The following FHIT variants were observed in gnomAD, a reference collection of about 807,000 sequenced individuals.
FHIT encodes bis(5'-adenosyl)-triphosphatase.
A neutral mutation model predicts 17.9 loss-of-function variants in FHIT; 19 were observed. The observed-to-expected ratio is 1.06, with a 90% CI of 0.74 to 1.56. The LOEUF (loss-of-function observed/expected upper bound fraction) is 1.56, where lower values mean the gene tolerates loss of function less well. FHIT is among the 40% of genes most tolerant of loss of function. FHIT has a pLI of 0.00. For synonymous variants in FHIT, 81 were observed against 69.7 expected, an observed-to-expected ratio of 1.16 and a Z score of -0.81; for missense variants, 248 against 189.2, an observed-to-expected ratio of 1.31 and a Z score of -1.82.
intron 1 of FHIT, among the ~76,000 whole-genome samples, chr3:61,234,090 A>C (rs1219920354): frequency 6.6e-6 from 1 of 152,202 alleles, no homozygotes; most frequent in African/African-American, 2.4e-5. Context: ...GCAGAAACTG[A>C]AGACTGATGT....
At chr3:60,155,446 TG>T (rs1179568496) in intron 5 of FHIT, among the ~76,000 whole-genome samples, 1 of 151,610 alleles carries the variant, frequency 6.6e-6, no homozygotes, top group Non-Finnish European at 1.5e-5. Flanking sequence ...CGAAGCTGCC[TG>T]GAACAGTCCA....
chr3:60,545,000 TAAAC>T (rs1438109737), intron 4 of FHIT, among the ~76,000 whole-genome samples: 2 of 152,212 alleles, frequency 1.3e-5, no homozygotes, highest in African/African-American at 4.8e-5. Context: ...TCATGAGCGT[TAAAC>T]AAAACTCTTT....
chr3:60,442,756 G>T (rs1194227655), intron 5 of FHIT, among the ~76,000 whole-genome samples: 1 of 152,108 alleles, frequency 6.6e-6, no homozygotes, highest in Non-Finnish European at 1.5e-5. Flanking sequence ...GGCAATGCGG[G>T]CTCTTTTTTG....
At chr3:60,367,769 T>G (rs913975545) in intron 5 of FHIT, among the ~76,000 whole-genome samples, 17 of 152,190 alleles carry the variant, frequency 1.1e-4, no homozygotes, top group Non-Finnish European at 2.2e-4. Flanking sequence ...CTAATCAAGT[T>G]ATCGAATATT....
intron 8 of FHIT, among the ~76,000 whole-genome samples, chr3:59,854,752 T>C (rs1248132241): frequency 1.3e-5 from 2 of 152,192 alleles, no homozygotes; most frequent in Non-Finnish European, 2.9e-5. Context: ...CTAGAGCCCA[T>C]ATTATTGCCA....
At chr3:61,234,030 G>T (rs995896528) in intron 1 of FHIT, among the ~76,000 whole-genome samples, 2 of 152,146 alleles carry the variant, frequency 1.3e-5, no homozygotes, top group African/African-American at 4.8e-5. Flanking sequence ...AATAATACAT[G>T]ACACATTAAG....
rs115753641 is a variant in FHIT at position 60,691,686 on chromosome 3, G to T, written c.-18+130233C>A. On this transcript the variant is annotated intron_variant, in intron 4 of 9. Coordinates refer to ENST00000492590, the MANE Select transcript of FHIT (RefSeq NM_002012.4). ...TGGCCATGAGTGTTTTTTAAATAGT[G>T]ATTTCTTTTCAGCTTCCAACACAGA... Among the ~76,000 whole-genome samples the T allele has an allele frequency of 3.6e-3, 555 of 152,234 alleles. 2 individuals are homozygous for T. Among genetic ancestry groups the T allele is most frequent in the African/African-American group, 0.013 (529 of 41,552 alleles).
chr3:61,199,495 A>G (rs1052287337), intron 2 of FHIT, among the ~76,000 whole-genome samples: 2 of 152,180 alleles, frequency 1.3e-5, no homozygotes, highest in Non-Finnish European at 2.9e-5. Context: ...ACCAGTTTTC[A>G]TGCACCAGAG....
intron 5 of FHIT, among the ~76,000 whole-genome samples, chr3:60,144,356 ACT>A (rs1405789733): frequency 6.6e-6 from 1 of 152,162 alleles, no homozygotes; most frequent in African/African-American, 2.4e-5. Context: ...TTCATTGAAC[ACT>A]CATAATAACC....
intron 4 of FHIT, among the ~76,000 whole-genome samples, chr3:60,725,797 A>G (rs73101682): frequency 0.022 from 3,417 of 152,274 alleles, 72 homozygotes; most frequent in Middle Eastern, 0.048. Flanking sequence ...TGTGCCAGAC[A>G]CTACACTTGC....
intron 4 of FHIT, among the ~76,000 whole-genome samples, chr3:60,638,552 G>A (rs1464214663): frequency 1.3e-5 from 2 of 152,052 alleles, no homozygotes; most frequent in East Asian, 3.9e-4. Context: ...TCGTGTACCA[G>A]ATCAATCAAA....
chr3:60,944,334 C>T lies in FHIT; in HGVS notation c.-111+97713G>A, dbSNP rs200664884. On this transcript the variant is annotated intron_variant, in intron 3 of 9. Transcript: ENST00000492590. Reference sequence around the variant, plus strand: ...TTCCAAAAGCAGTGCCTGAGTTTGTCTTTTTTTTTTCCTCCATCAACTCTG... The same window carrying T: ...TTCCAAAAGCAGTGCCTGAGTTTGTTTTTTTTTTTTCCTCCATCAACTCTG... 4.5e-3 allele frequency among the ~76,000 whole-genome samples: 674 copies of T among 150,322 alleles called. 4 individuals carry two copies. The highest frequency in any genetic ancestry group is 0.016 in the African/African-American group (643 of 41,024).
At chr3:60,789,856 C>A (rs1379091800) in intron 4 of FHIT, among the ~76,000 whole-genome samples, 2 of 152,018 alleles carry the variant, frequency 1.3e-5, no homozygotes, top group Non-Finnish European at 2.9e-5. Flanking sequence ...TAAAACTATA[C>A]AATTGTGAGT....
rs577823124 is a variant in FHIT at position 59,856,863 on chromosome 3, G to A, written c.348+65483C>T. Among the ~76,000 whole-genome samples, 28 of 126,072 alleles carry A rather than the reference G, an allele frequency of 2.2e-4. No individual in the cohort carries two copies. The East Asian group carries it at 4.7e-3, about 21-fold the overall frequency. 82.7% of individuals were successfully genotyped at this position (126,072 alleles called of 152,430 possible). On this transcript the variant is annotated intron_variant, in intron 8 of 9. Coordinates refer to ENST00000492590, the MANE Select transcript of FHIT (RefSeq NM_002012.4). ...CTATTTATCAAGTACTTAGCTCCCC[G>A]GCTGAGTATTTTTTTTTTTTTTAAC...
chr3:61,187,237 CA>C (rs1216775855), intron 2 of FHIT, among the ~76,000 whole-genome samples: 11 of 151,980 alleles, frequency 7.2e-5, no homozygotes, highest in African/African-American at 2.7e-4. Context: ...ACTAATGATT[CA>C]AAAAGGAGAT....
At chr3:61,204,276 G>T (rs1387752563) in intron 1 of FHIT, among the ~76,000 whole-genome samples, 3 of 151,778 alleles carry the variant, frequency 2.0e-5, no homozygotes, top group Non-Finnish European at 4.4e-5. Context: ...TGAGAGGAAT[G>T]GGGGGGCTTC....
chr3:60,124,051 G>GAGAGAGAGAGAGAGAGAC (rs1559653981), intron 5 of FHIT, among the ~76,000 whole-genome samples: 2 of 118,796 alleles, frequency 1.7e-5, no homozygotes, highest in African/African-American at 6.5e-5. Flanking sequence ...GAGAGAGAGA[G>GAGAGAGAGAGAGAGAGAC]AGAGACAGAG....
Position 59,752,264 on chromosome 3 carries a change from C to G in FHIT, c.406G>C (p.Ala136Pro). The G allele has an allele frequency of 6.2e-7, 1 of 1,613,284 alleles. No individual in the cohort carries two copies. The highest frequency in any genetic ancestry group is 8.5e-7 in the Non-Finnish European group (1 of 1,179,578). The change falls in exon 9 of 10, where the codon GCA becomes CCA. Residue 136 changes from alanine (A) to proline (P), a missense_variant. By Grantham distance (27) the Ala-to-Pro change is conservative (BLOSUM62 -1). Transcript: ENST00000492590. ...PASWRSEEEM[A>P]AEAAALRVYF... is the part of the protein sequence containing the mutation. ...ACCCGCAGAGCTGCGGCTTCTGCTGCCATTTCCTCCTCTGATCTCCAAGAG... is the reference window on the plus strand; with the variant it reads ...ACCCGCAGAGCTGCGGCTTCTGCTGGCATTTCCTCCTCTGATCTCCAAGAG...
At chr3:59,864,298 TGAA>T (rs1490594358) in intron 8 of FHIT, among the ~76,000 whole-genome samples, 1 of 152,142 alleles carries the variant, frequency 6.6e-6, no homozygotes, top group Non-Finnish European at 1.5e-5. Flanking sequence ...CTTTCGATAG[TGAA>T]GAAGTCTCAC....
Sources: gnomAD v4.1 joint callset for allele counts (sites outside exome capture counted in the v4.1 genomes callset) on GRCh38, gnomAD v4.1.1 for gene constraint, MANE v1.5 for transcripts, NCBI Gene and HGNC (gene_info 2026-07-23, HGNC 2026-07-21) for gene names.